Variants in PFKFB1 observed in about 807,000 individuals in gnomAD.
The protein encoded by PFKFB1 is 6-phosphofructo-2-kinase/fructose-2,6-biphosphatase 1, also known as 6-phosphofructo-2-kinase/fructose-2,6-bisphosphatase 1.
Under a neutral mutation model 46.4 loss-of-function variants are expected in PFKFB1, and 34 were observed. The observed-to-expected ratio is 0.73, with a 90% CI of 0.56 to 0.98. PFKFB1 has a LOEUF of 0.98. Ranked by LOEUF, PFKFB1 falls within the 50% of genes least tolerant of loss-of-function variation. The pLI is 0.00. For synonymous variants in PFKFB1, 119 were observed against 133.8 expected (o/e 0.89, Z 0.76); for missense variants, 393 against 376.3 (o/e 1.04, Z -0.37).
chrX:54,941,059 A>C (rs1023205294), intron 10 of PFKFB1, among the ~76,000 whole-genome samples: 1 of 111,916 alleles, frequency 8.9e-6, no homozygotes, highest in Non-Finnish European at 1.9e-5. Flanking sequence ...GACCAATGGA[A>C]CAGAACAGAG....
At chrX:54,977,170 T>A (rs1261672204) in intron 1 of PFKFB1, among the ~76,000 whole-genome samples, 1 of 111,322 alleles carries the variant, frequency 9.0e-6, no homozygotes, top group Non-Finnish European at 1.9e-5. Context: ...TTGAATGCAG[T>A]TTGCAACAAA....
intron 10 of PFKFB1, among the ~76,000 whole-genome samples, chrX:54,940,201 C>T (rs2024970123): frequency 8.9e-6 from 1 of 111,775 alleles, no homozygotes; most frequent in Non-Finnish European, 1.9e-5. Flanking sequence ...GCCCTTCATG[C>T]TAAAAACTCT....
intron 7 of PFKFB1, among the ~76,000 whole-genome samples, chrX:54,952,351 C>G (rs1256675797): frequency 8.9e-6 from 1 of 111,762 alleles, no homozygotes; most frequent in Non-Finnish European, 1.9e-5. Flanking sequence ...TCAGCCTCAA[C>G]TTGAGCCAAA....
At chrX:54,990,034 T>A (rs1201092082) in intron 1 of PFKFB1, among the ~76,000 whole-genome samples, 1 of 111,488 alleles carries the variant, frequency 9.0e-6, no homozygotes, top group Non-Finnish European at 1.9e-5. Flanking sequence ...CCCTGTTTAG[T>A]AGGCCAATTA....
intron 1 of PFKFB1, 145 bp from the exon 2 acceptor site, chrX:54,963,527 C>A: frequency 3.5e-6 from 2 of 574,552 alleles, no homozygotes; most frequent in East Asian, 7.4e-5. Flanking sequence ...AAGAACTTCT[C>A]TCAGACTCAT....
intron 8 of PFKFB1, among the ~76,000 whole-genome samples, chrX:54,951,072 GACA>G (rs1467048584): frequency 2.6e-5 from 3 of 113,240 alleles, no homozygotes; most frequent in East Asian, 2.8e-4. Flanking sequence ...TGACAATTAT[GACA>G]ACAACTGTCC....
In PFKFB1 at chrX:54,973,137, C is replaced by T. The variant is rs961834295; in HGVS notation, c.98-9755G>A. ...TCTAGTTTATTTGCATAGAGGTGTTCGTAGTATTCTCTGACGGTAGTTTGT... is the reference window on the plus strand; with the variant it reads ...TCTAGTTTATTTGCATAGAGGTGTTTGTAGTATTCTCTGACGGTAGTTTGT... On this transcript the variant is annotated intron_variant, in intron 1 of 13. Coordinates refer to ENST00000375006, the MANE Select transcript of PFKFB1 (RefSeq NM_002625.4). Among the ~76,000 whole-genome samples the T allele has an allele frequency of 7.3e-4, 81 of 110,669 alleles. 1 individual carries two copies. Among genetic ancestry groups the T allele is most frequent in the African/African-American group, 1.3e-3 (40 of 30,471 alleles).
chrX:54,972,975 T>C (rs965518375), intron 1 of PFKFB1, among the ~76,000 whole-genome samples: 6 of 111,591 alleles, frequency 5.4e-5, no homozygotes, highest in African/African-American at 1.6e-4. Flanking sequence ...TCCTGGACTC[T>C]TTTTGGTTGG....
intron 8 of PFKFB1, among the ~76,000 whole-genome samples, chrX:54,949,424 C>CAGAGAGAG (rs3028350): frequency 2.1e-4 from 20 of 93,939 alleles, no homozygotes; most frequent in Middle Eastern, 5.7e-3. Context: ...AAGAGCATGA[C>CAGAGAGAG]AGAGAGAGAG....
chrX:54,990,082 G>A (rs915656493), intron 1 of PFKFB1, among the ~76,000 whole-genome samples: 1 of 111,126 alleles, frequency 9.0e-6, no homozygotes, highest in Non-Finnish European at 1.9e-5. Flanking sequence ...AAGAAAGTCT[G>A]AAAATGAATG....
chrX:54,959,687 G>A, intron 4 of PFKFB1, 140 bp downstream of exon 4: 1 of 459,828 alleles, frequency 2.2e-6, no homozygotes, highest in Middle Eastern at 4.6e-4. Flanking sequence ...CCTATCTCAA[G>A]GGGGGAGCAT....
At chrX:54,936,859 T>G (rs1933415316) in intron 11 of PFKFB1, among the ~76,000 whole-genome samples, 2 of 111,636 alleles carry the variant, frequency 1.8e-5, no homozygotes, top group African/African-American at 3.3e-5. Context: ...GTGTAGACAT[T>G]GAATATAATT....
chrX:54,997,950 T>C (rs1424720185), upstream of PFKFB1, among the ~76,000 whole-genome samples: 2 of 112,485 alleles, frequency 1.8e-5, no homozygotes, highest in African/African-American at 6.5e-5. Flanking sequence ...TTTCTGCCTT[T>C]CCACTCTTCT....
At chrX:54,974,642 A>G (rs1934786879) in intron 1 of PFKFB1, among the ~76,000 whole-genome samples, 1 of 112,322 alleles carries the variant, frequency 8.9e-6, no homozygotes, top group Non-Finnish European at 1.9e-5. Flanking sequence ...GCAGTAGAAG[A>G]AATAATCAGC....
chrX:54,997,091 CACTTGCT>C (rs1935367876), upstream of PFKFB1, among the ~76,000 whole-genome samples: 1 of 111,998 alleles, frequency 8.9e-6, no homozygotes, highest in Non-Finnish European at 1.9e-5. Context: ...ACAGAGAAGA[CACTTGCT>C]TATTGTGTTT....
chrX:54,971,783 C>G (rs1424178996), intron 1 of PFKFB1, among the ~76,000 whole-genome samples: 58 of 112,007 alleles, frequency 5.2e-4, no homozygotes, highest in Admixed American at 1.1e-3. Context: ...ATGCCTCCAG[C>G]TTTGTTCTTT....
At chrX:54,997,969 A>T (rs919648186), upstream of PFKFB1, among the ~76,000 whole-genome samples, 2 of 112,420 alleles carry the variant, frequency 1.8e-5, no homozygotes, top group Admixed American at 1.9e-4. Context: ...CTTGATCGTG[A>T]CAGCCCTCTG....
chrX:54,945,719 T>TGC (rs369231143), intron 9 of PFKFB1, among the ~76,000 whole-genome samples, 176 bp from the exon 10 acceptor site: 3 of 101,393 alleles, frequency 3.0e-5, no homozygotes, highest in Admixed American at 1.0e-4. Flanking sequence ...TGTGTGTGTG[T>TGC]GCGTGTGTGT....
chrX:54,967,084 A>G (rs1000361704), intron 1 of PFKFB1, among the ~76,000 whole-genome samples: 1 of 111,629 alleles, frequency 9.0e-6, no homozygotes, highest in African/African-American at 3.3e-5. Context: ...TGATGTGGGA[A>G]CCAAAATATA....
Sources: gnomAD v4.1 joint callset for allele counts (sites outside exome capture counted in the v4.1 genomes callset) on GRCh38, gnomAD v4.1.1 for gene constraint, MANE v1.5 for transcripts, NCBI Gene and HGNC (gene_info 2026-07-23, HGNC 2026-07-21) for gene names.